NDUFA10: variants seen among roughly 807,000 people sequenced by gnomAD.
NDUFA10 encodes the protein NADH dehydrogenase [ubiquinone] 1 alpha subcomplex subunit 10, mitochondrial.
Under a neutral mutation model 47.8 loss-of-function variants are expected in NDUFA10, and 40 were observed. The ratio of observed to expected loss-of-function variants is 0.84; its 90% CI spans 0.65 to 1.09. The LOEUF is 1.09. NDUFA10 is among the 50% of genes least tolerant of loss of function. NDUFA10 has a pLI of 0.00. For synonymous variants in NDUFA10, 183 were observed against 172.2 expected (o/e 1.06, Z -0.49); for missense variants, 413 against 451.1 (o/e 0.92, Z 0.76).
chr2:240,007,665 A>G (rs561104221), intron 6 of NDUFA10, among the ~76,000 whole-genome samples: 21 of 152,366 alleles, frequency 1.4e-4, no homozygotes, highest in Admixed American at 9.8e-4. Flanking sequence ...GACCACAGCC[A>G]TCACTGTCCA....
chr2:239,974,154 CCTGACCT>C (rs1275364648), intron 9 of NDUFA10, among the ~76,000 whole-genome samples: 31 of 152,318 alleles, frequency 2.0e-4, no homozygotes, highest in African/African-American at 7.2e-4. Context: ...ATCTCCAACT[CCTGACCT>C]CAAGTCATCC....
chr2:240,013,682 T>C (rs1697225570), intron 5 of NDUFA10: 1 of 152,216 alleles, frequency 6.6e-6, no homozygotes, highest in African/African-American at 2.4e-5. Flanking sequence ...GTTAGTCCCA[T>C]GGATCTTTCA....
rs148697621 is a variant in NDUFA10, at chr2:239,995,984, T to A, written c.891-5802A>T. Among the ~76,000 whole-genome samples the A allele has an allele frequency of 2.7e-3, 412 of 152,292 alleles. 1 individual carries two copies. Among genetic ancestry groups the A allele is most frequent in the Non-Finnish European group, 4.9e-3 (336 of 68,022 alleles). ...AGGGAGAAATAGACAAATCCAGCGC[T>A]GTTGGAAATTTAAACCCAACTCTCA... On this transcript the variant is annotated intron_variant, in intron 8 of 9. Coordinates refer to ENST00000252711, the MANE Select transcript of NDUFA10 (RefSeq NM_004544.4).
downstream of NDUFA10, among the ~76,000 whole-genome samples, chr2:239,956,282 G>A (rs1032184255): frequency 2.6e-5 from 4 of 152,158 alleles, no homozygotes; most frequent in Admixed American, 1.3e-4. Context: ...TCTGACGCAC[G>A]GTGATAACTT....
chr2:239,922,386 T>A (rs1559284462), intron 4 of NDUFA10, among the ~76,000 whole-genome samples: 1 of 152,198 alleles, frequency 6.6e-6, no homozygotes, highest in East Asian at 1.9e-4. Context: ...GGCAGTGAGC[T>A]GCAGGCCAAG....
chr2:239,894,885 T>A (rs1438968005), intron 5 of NDUFA10, among the ~76,000 whole-genome samples: 1 of 152,098 alleles, frequency 6.6e-6, no homozygotes, highest in Non-Finnish European at 1.5e-5. Context: ...ACAGGCACGA[T>A]CCTGAGGTAC....
chr2:240,010,670 C>T (rs1359235447), intron 6 of NDUFA10, among the ~76,000 whole-genome samples: 1 of 151,890 alleles, frequency 6.6e-6, no homozygotes, highest in African/African-American at 2.4e-5. Context: ...GCAGAGATGA[C>T]ATAAACGTTA....
intron 4 of NDUFA10, among the ~76,000 whole-genome samples, chr2:239,916,683 C>T (rs11678657): frequency 0.15 from 22,792 of 152,282 alleles, 1,840 homozygotes; most frequent in African/African-American, 0.2. Context: ...TTGGTGTCTG[C>T]GAGGGCCGCT....
intron 4 of NDUFA10, chr2:240,018,281 G>A: frequency 1.2e-6 from 1 of 859,520 alleles, no homozygotes; most frequent in African/African-American, 1.7e-5. Flanking sequence ...GAGGCTGTGG[G>A]GGCTGCACTT....
At chr2:239,983,532 A>G (rs1298804790) in intron 9 of NDUFA10, 3 of 1,602,512 alleles carry the variant, frequency 1.9e-6, no homozygotes, top group Non-Finnish European at 2.6e-6. Context: ...AAAGGAACAT[A>G]AAGGCTGTGG....
chr2:239,912,550 C>T (rs28437500), intron 4 of NDUFA10, among the ~76,000 whole-genome samples: 26,188 of 151,758 alleles, frequency 0.17, 2,503 homozygotes, highest in African/African-American at 0.25. Flanking sequence ...AATTAACTTG[C>T]CACTGAGTGG....
chr2:239,957,407 T>C lies in NDUFA10; in HGVS notation c.*3711A>G, dbSNP rs1466622883. 1 of 152,192 alleles carries C rather than the reference T, an allele frequency of 6.6e-6. No homozygotes were observed. The highest frequency in any genetic ancestry group is 1.5e-5 in the Non-Finnish European group (1 of 68,028). The allele number at this position is 152,192 out of a possible 1,614,324, so 9.4% of individuals were successfully genotyped here. On this transcript the variant is annotated 3_prime_UTR_variant, in exon 10 of 10. Transcript: ENST00000252711. ...AACATGTTTATTCAATGAAACTACA[T>C]AGCACTAAAATGAGAGCTTCCCAAA...
chr2:239,954,157 G>A (rs1694609167), downstream of NDUFA10, among the ~76,000 whole-genome samples: 2 of 148,400 alleles, frequency 1.3e-5, no homozygotes, highest in African/African-American at 5.1e-5. Flanking sequence ...CGACGGTCAG[G>A]CTGTGACTGC....
chr2:239,902,741 G>T (rs912208975), intron 4 of NDUFA10, among the ~76,000 whole-genome samples: 3 of 152,146 alleles, frequency 2.0e-5, no homozygotes, highest in Admixed American at 2.0e-4. Context: ...CTTAGGCAAA[G>T]GTAATTTGGT....
At chr2:239,934,937 T>TGCA (rs1694239806) in intron 4 of NDUFA10, among the ~76,000 whole-genome samples, 1 of 152,216 alleles carries the variant, frequency 6.6e-6, no homozygotes, top group South Asian at 2.1e-4. Flanking sequence ...GTGTAGTTGG[T>TGCA]GCAGCTGCCG....
At chr2:239,970,485 G>A (rs1299842473) in intron 9 of NDUFA10, among the ~76,000 whole-genome samples, 1 of 152,194 alleles carries the variant, frequency 6.6e-6, no homozygotes, top group Admixed American at 6.5e-5. Flanking sequence ...AAATGGTAGA[G>A]GGAAGGATAA....
At chr2:239,949,397 G>T (rs1008782731) in intron 4 of NDUFA10, among the ~76,000 whole-genome samples, 5 of 152,206 alleles carry the variant, frequency 3.3e-5, no homozygotes, top group African/African-American at 7.2e-5. Flanking sequence ...TGACCTGGTG[G>T]ATTCGGGAAG....
At chr2:239,981,203 C>T (rs1219241441) in intron 9 of NDUFA10, among the ~76,000 whole-genome samples, 2 of 152,216 alleles carry the variant, frequency 1.3e-5, no homozygotes, top group Non-Finnish European at 2.9e-5. Flanking sequence ...ACCTTGGCAT[C>T]CTGTACTTCA....
chr2:239,968,150 AAGT>A (rs1695157929), intron 9 of NDUFA10, among the ~76,000 whole-genome samples: 2 of 152,184 alleles, frequency 1.3e-5, no homozygotes, highest in South Asian at 4.1e-4. Context: ...GAGAAGCCCA[AAGT>A]AGAAGATGGA....
Sources: gnomAD v4.1 joint callset for allele counts (sites outside exome capture counted in the v4.1 genomes callset) on GRCh38, gnomAD v4.1.1 for gene constraint, MANE v1.5 for transcripts, NCBI Gene and HGNC (gene_info 2026-07-23, HGNC 2026-07-21) for gene names.